AKR1C8: variants seen among roughly 807,000 people sequenced by gnomAD.
AKR1C8 encodes aldo-keto reductase family 1 member C-like protein 1.
chr10:5,132,482 T>A, the AKR1C8 span: 3 of 913,096 alleles, frequency 3.3e-6, no homozygotes, highest in Non-Finnish European at 4.5e-6. Flanking sequence ...CATGAATATG[T>A]GTCAATAAAT....
chr10:5,129,466 G>C, the AKR1C8 span, among the ~76,000 whole-genome samples: 1 of 151,852 alleles, frequency 6.6e-6, no homozygotes, highest in Non-Finnish European at 1.5e-5. Context: ...CCCCACAAAA[G>C]ATCAATGAAA....
chr10:5,167,666 T>C, the AKR1C8 span, among the ~76,000 whole-genome samples: 3 of 152,120 alleles, frequency 2.0e-5, no homozygotes, highest in Non-Finnish European at 4.4e-5. Flanking sequence ...CATTTGGAGA[T>C]ATACCTAATG....
chr10:5,135,319 G>A, the AKR1C8 span: 4 of 158,130 alleles, frequency 2.5e-5, no homozygotes, highest in African/African-American at 9.6e-5. Context: ...GGCAGGCAAT[G>A]CTACACTGCC....
At chr10:5,179,600 TCAC>T in the AKR1C8 span, among the ~76,000 whole-genome samples, 2,039 of 150,628 alleles carry the variant, frequency 0.014, 50 homozygotes, top group African/African-American at 0.048. Context: ...ATTCTCCCCA[TCAC>T]TTTCAGGTAC....
chr10:5,152,482 G>A, the AKR1C8 span, among the ~76,000 whole-genome samples: 541 of 152,232 alleles, frequency 3.6e-3, no homozygotes, highest in Non-Finnish European at 5.1e-3. Flanking sequence ...TGGAACACCA[G>A]GATCAAACTA....
At chr10:5,124,424 T>C in the AKR1C8 span, among the ~76,000 whole-genome samples, 1 of 152,094 alleles carries the variant, frequency 6.6e-6, no homozygotes, top group African/African-American at 2.4e-5. Context: ...GTTAAGCTTT[T>C]AGCACTTCTG....
At chr10:5,161,609 A>G in the AKR1C8 span, 4 of 495,816 alleles carry the variant, frequency 8.1e-6, no homozygotes. Flanking sequence ...TGTCTAGGGT[A>G]GAGGAAGTGA....
At chr10:5,155,728 G>A in the AKR1C8 span, 2 of 476,974 alleles carry the variant, frequency 4.2e-6, no homozygotes, top group South Asian at 3.1e-5. Context: ...TGGCTTTCAT[G>A]TCCTCTGGAG....
At chr10:5,175,599 A>G in the AKR1C8 span, among the ~76,000 whole-genome samples, 1 of 152,196 alleles carries the variant, frequency 6.6e-6, no homozygotes, top group Non-Finnish European at 1.5e-5. Flanking sequence ...CCAACAGTGT[A>G]AAAGTGTTAC....
the AKR1C8 span, chr10:5,158,531 G>A: frequency 9.1e-5 from 37 of 406,766 alleles, no homozygotes; most frequent in Middle Eastern, 7.1e-4. Flanking sequence ...TTAAAACTTC[G>A]CTTTAATAGG....
the AKR1C8 span, among the ~76,000 whole-genome samples, chr10:5,120,912 G>C: frequency 6.6e-6 from 1 of 151,926 alleles, no homozygotes; most frequent in Non-Finnish European, 1.5e-5. Context: ...ACATTGCTAA[G>C]CAGCAAAATG....
the AKR1C8 span, among the ~76,000 whole-genome samples, chr10:5,149,238 G>T: frequency 6.6e-6 from 1 of 151,960 alleles, no homozygotes; most frequent in Admixed American, 6.6e-5. Flanking sequence ...CTAATAACAG[G>T]TGTACTATAG....
the AKR1C8 span, among the ~76,000 whole-genome samples, chr10:5,142,559 G>T: frequency 1.9e-4 from 29 of 152,150 alleles, 1 homozygote; most frequent in African/African-American, 6.3e-4. Flanking sequence ...GTCACTGTAG[G>T]GTTACAATTT....
chr10:5,158,469 C>T, the AKR1C8 span: 7 of 369,764 alleles, frequency 1.9e-5, no homozygotes, highest in Non-Finnish European at 3.8e-5. Context: ...TGGGAACAAA[C>T]TACACCGTTG....
the AKR1C8 span, among the ~76,000 whole-genome samples, chr10:5,153,572 T>C: frequency 6.6e-6 from 1 of 152,164 alleles, no homozygotes; most frequent in Non-Finnish European, 1.5e-5. Context: ...CTGTGTAGGA[T>C]GCATGGCTGG....
At chr10:5,154,032 C>T in the AKR1C8 span, 1 of 287,876 alleles carries the variant, frequency 3.5e-6, no homozygotes, top group South Asian at 3.6e-5. Context: ...GAAAGGCAAG[C>T]AACCTGCAAC....
At chr10:5,153,836 A>G in the AKR1C8 span, among the ~76,000 whole-genome samples, 1 of 152,234 alleles carries the variant, frequency 6.6e-6, no homozygotes, top group Non-Finnish European at 1.5e-5. Flanking sequence ...ACACAGATCC[A>G]AACCATATCA....
At chr10:5,123,724 G>A in the AKR1C8 span, 119 of 1,611,430 alleles carry the variant, frequency 7.4e-5, no homozygotes, top group Admixed American at 1.5e-4. Context: ...AGTTCATGTC[G>A]TTGGGTTCCC....
the AKR1C8 span, among the ~76,000 whole-genome samples, chr10:5,118,820 T>C: frequency 1.2e-4 from 19 of 152,124 alleles, no homozygotes; most frequent in Admixed American, 4.6e-4. Context: ...ATAGCTGCCA[T>C]TTGACTGGAG....
Sources: gnomAD v4.1 joint callset for allele counts (sites outside exome capture counted in the v4.1 genomes callset) on GRCh38, gnomAD v4.1.1 for gene constraint, MANE v1.5 for transcripts, NCBI Gene and HGNC (gene_info 2026-07-23, HGNC 2026-07-21) for gene names.